DPP10: variants seen among roughly 807,000 people sequenced by gnomAD.
The protein encoded by DPP10 is dipeptidyl peptidase like 10.
In DPP10, 33 loss-of-function variants were observed where a neutral mutation model predicts 120.9. The observed-to-expected ratio is 0.27, with a 90% CI of 0.21 to 0.37. The LOEUF (loss-of-function observed/expected upper bound fraction) is 0.37. Among genes scored for constraint, DPP10 ranks in the 10% least tolerant of loss-of-function variants. The pLI is 1.00. For missense variants in DPP10, 816 were observed against 942.8 expected (o/e 0.87, Z 1.76); for synonymous variants, 337 against 326.1 (o/e 1.03, Z -0.36).
chr2:114,808,542 A>G (rs1231281254), intron 1 of DPP10, among the ~76,000 whole-genome samples: 1 of 146,610 alleles, frequency 6.8e-6, no homozygotes, highest in Non-Finnish European at 1.5e-5. Context: ...TCGGAATCTA[A>G]CTTTTTTTTT....
chr2:114,740,005 A>G (rs77993908), intron 1 of DPP10, among the ~76,000 whole-genome samples: 9,391 of 151,998 alleles, frequency 0.062, 417 homozygotes, highest in African/African-American at 0.12. Flanking sequence ...TCCCATTACT[A>G]GGTATATACC....
intron 1 of DPP10, among the ~76,000 whole-genome samples, chr2:115,120,786 C>G (rs1310571107): frequency 2.0e-5 from 3 of 152,176 alleles, no homozygotes; most frequent in Non-Finnish European, 4.4e-5. Context: ...TTGTAAACAA[C>G]TAGTCATTTT....
chr2:114,850,757 G>C (rs1293252180), intron 1 of DPP10, among the ~76,000 whole-genome samples: 1 of 151,920 alleles, frequency 6.6e-6, no homozygotes, highest in Non-Finnish European at 1.5e-5. Flanking sequence ...TGTGCTGAAG[G>C]GATCTTCTTT....
intron 1 of DPP10, among the ~76,000 whole-genome samples, chr2:114,701,596 C>T (rs1700386585): frequency 1.3e-5 from 2 of 152,172 alleles, no homozygotes; most frequent in South Asian, 4.1e-4. Context: ...ACTACATTTG[C>T]CTAAAAAGTA....
intron 1 of DPP10, among the ~76,000 whole-genome samples, chr2:114,844,157 T>G (rs1365577017): frequency 3.9e-5 from 6 of 152,076 alleles, no homozygotes; most frequent in Non-Finnish European, 8.8e-5. Context: ...GAGTGCACAT[T>G]CCTGTAACAT....
chr2:115,840,628 A>G, intron 24 of DPP10, 122 bp from the exon 25 acceptor site: 1 of 1,014,934 alleles, frequency 9.9e-7, no homozygotes, highest in Non-Finnish European at 1.4e-6. Flanking sequence ...CCAGCCAGAT[A>G]TAAGTCTTTT....
At chr2:115,704,673 C>T (rs1025985242) in intron 7 of DPP10, among the ~76,000 whole-genome samples, 1 of 151,908 alleles carries the variant, frequency 6.6e-6, no homozygotes, top group Non-Finnish European at 1.5e-5. Context: ...GAAGATAGAT[C>T]TTGTAAAGGA....
chr2:115,310,827 G>A (rs539568840), intron 2 of DPP10, among the ~76,000 whole-genome samples: 1 of 152,156 alleles, frequency 6.6e-6, no homozygotes, highest in Admixed American at 6.5e-5. Flanking sequence ...TCTATTGATG[G>A]CTATTAGCCA....
intron 1 of DPP10, among the ~76,000 whole-genome samples, chr2:114,757,605 T>C (rs1042016493): frequency 1.3e-5 from 2 of 152,146 alleles, no homozygotes; most frequent in Non-Finnish European, 1.5e-5. Context: ...CATTTTTAAC[T>C]TACCATTTGA....
intron 1 of DPP10, among the ~76,000 whole-genome samples, chr2:114,625,132 C>A (rs529405438): frequency 6.6e-6 from 1 of 152,070 alleles, no homozygotes; most frequent in African/African-American, 2.4e-5. Context: ...TGGTAGTTGG[C>A]TGACATTGCT....
At chr2:114,588,106 A>G (rs1691156068) in intron 1 of DPP10, among the ~76,000 whole-genome samples, 1 of 152,208 alleles carries the variant, frequency 6.6e-6, no homozygotes, top group Admixed American at 6.5e-5. Context: ...ATATGGATCT[A>G]CTTTTGTCTC....
At chr2:115,602,403 T>C (rs2083385727) in intron 5 of DPP10, among the ~76,000 whole-genome samples, 1 of 152,250 alleles carries the variant, frequency 6.6e-6, no homozygotes, top group Admixed American at 6.5e-5. Context: ...CAATCAAATT[T>C]ATATCACATT....
chr2:115,185,241 GTTTC>G (rs1350651140), intron 1 of DPP10, among the ~76,000 whole-genome samples: 28 of 73,138 alleles, frequency 3.8e-4, no homozygotes, highest in African/African-American at 1.1e-3. Flanking sequence ...AAGGTTTTTT[GTTTC>G]TTTTTTTTTT....
chr2:114,756,615 C>A (rs1171222979), intron 1 of DPP10, among the ~76,000 whole-genome samples: 1 of 152,198 alleles, frequency 6.6e-6, no homozygotes, highest in Non-Finnish European at 1.5e-5. Context: ...GGGGTCTAAA[C>A]CCCACTGCAG....
chr2:115,822,096 C>T (rs559352038), intron 21 of DPP10, among the ~76,000 whole-genome samples: 20 of 151,988 alleles, frequency 1.3e-4, no homozygotes, highest in African/African-American at 4.1e-4. Flanking sequence ...ATTTTATTTT[C>T]GTTTGTAGTT....
intron 21 of DPP10, among the ~76,000 whole-genome samples, chr2:115,821,507 G>C (rs921459080): frequency 6.6e-6 from 1 of 151,984 alleles, no homozygotes. Context: ...AAGAGAGAGA[G>C]AGAAATATGT....
intron 1 of DPP10, among the ~76,000 whole-genome samples, chr2:115,104,618 T>C (rs760473059): frequency 3.3e-5 from 5 of 152,162 alleles, no homozygotes; most frequent in Non-Finnish European, 7.3e-5. Flanking sequence ...TGCCAATAAC[T>C]CAGTGAGAGA....
intron 1 of DPP10, among the ~76,000 whole-genome samples, chr2:114,970,968 T>C (rs1699351868): frequency 6.6e-6 from 1 of 152,192 alleles, no homozygotes; most frequent in Non-Finnish European, 1.5e-5. Context: ...AGGCTCTGTT[T>C]AGAGGGTCAT....
rs1260933187 is a variant in DPP10, at chr2:115,842,254, A to G, written c.2300A>G (p.Tyr767Cys). 6.2e-6 allele frequency: 10 copies of G among 1,613,886 alleles called. No homozygotes were observed. The highest frequency in any genetic ancestry group is 8.5e-6 in the Non-Finnish European group (10 of 1,179,798). Residue 767 changes from tyrosine (Y) to cysteine (C), a missense_variant, in exon 26 of 26, where the codon TAT (tyrosine) becomes TGT (cysteine). Physicochemically the swap from Tyr to Cys is radical, Grantham distance 194. This residue lies in a region of DPP10 where 592 missense variants were observed against 649.0 expected (regional missense o/e 0.91). Coordinates refer to ENST00000410059, the MANE Select transcript of DPP10 (RefSeq NM_020868.6). ...CATAACGTATCTGAGAAGAGCAAGT[A>G]TCATCTCTACAGCACAATCCTCAAA... is the stretch of plus-strand genomic sequence containing the variant. ...EGHNVSEKSK[Y>C]HLYSTILKFF...
Sources: gnomAD v4.1 joint callset for allele counts (sites outside exome capture counted in the v4.1 genomes callset) on GRCh38, gnomAD v4.1.1 for gene constraint, gnomAD v4.1.1 regional missense constraint, MANE v1.5 for transcripts, NCBI Gene and HGNC (gene_info 2026-07-23, HGNC 2026-07-21) for gene names.